The following RBPMS variants were observed in gnomAD, a reference collection of about 807,000 sequenced individuals.
The protein encoded by RBPMS is RNA-binding protein with multiple splicing.
Under a neutral mutation model 26.8 loss-of-function variants are expected in RBPMS, and 7 were observed. That is an observed-to-expected ratio of 0.26 (90% confidence interval 0.15 to 0.49). The LOEUF is 0.49. Ranked by LOEUF, RBPMS falls within the 20% of genes least tolerant of loss-of-function variation. The probability of loss-of-function intolerance (pLI) is 0.98; values close to 1 mark genes in which losing one functional copy is unlikely to be tolerated. For missense variants in RBPMS, 186 were observed against 250.0 expected (o/e 0.74, Z 1.73); for synonymous variants, 96 against 93.3 (o/e 1.03, Z -0.17).
rs376364214 is a variant in RBPMS, at chr8:30,447,764, CT to C, written c.67-27006del. 7.3e-3 allele frequency among the ~76,000 whole-genome samples: 1,100 copies of C among 151,196 alleles called. 8 individuals carry two copies. Among genetic ancestry groups the C allele is most frequent in the African/African-American group, 0.024 (1,008 of 41,316 alleles). On this transcript the variant is annotated intron_variant, in intron 1 of 8. Coordinates refer to ENST00000397323, the MANE Select transcript of RBPMS (RefSeq NM_001008710.3). ...TGTCTATACAAAATTGTATCTGCAT[CT>C]TTTTTTTTAACTTAGCAATGAATCT...
At chr8:30,458,366 T>G (rs1326305830) in intron 1 of RBPMS, among the ~76,000 whole-genome samples, 4 of 152,152 alleles carry the variant, frequency 2.6e-5, no homozygotes, top group African/African-American at 9.7e-5. Flanking sequence ...ATTCACTGAT[T>G]TATTCCTCTT....
chr8:30,569,778 CA>C (rs1192374114), intron 8 of RBPMS, among the ~76,000 whole-genome samples: 3 of 152,232 alleles, frequency 2.0e-5, no homozygotes, highest in African/African-American at 7.2e-5. Flanking sequence ...AGGGACAGGC[CA>C]GGGGTGCACA....
At chr8:30,539,764 T>A (rs1232115354) in intron 5 of RBPMS, among the ~76,000 whole-genome samples, 4 of 152,044 alleles carry the variant, frequency 2.6e-5, no homozygotes, top group Non-Finnish European at 4.4e-5. Flanking sequence ...TAGCTGGGAT[T>A]ATAGGCGTGC....
At chr8:30,490,607 G>A (rs1020895469) in intron 4 of RBPMS, among the ~76,000 whole-genome samples, 3 of 152,044 alleles carry the variant, frequency 2.0e-5, no homozygotes, top group Non-Finnish European at 2.9e-5. Context: ...TTACAGGCGC[G>A]TGCCTCCACG....
intron 1 of RBPMS, among the ~76,000 whole-genome samples, chr8:30,421,573 T>G (rs1662724109): frequency 6.6e-6 from 1 of 152,184 alleles, no homozygotes; most frequent in African/African-American, 2.4e-5. Flanking sequence ...TTTTACAAAT[T>G]TTCTAGGTAC....
intron 7 of RBPMS, chr8:30,564,340 G>A (rs992291957): frequency 6.6e-5 from 10 of 152,270 alleles, no homozygotes; most frequent in African/African-American, 2.4e-4. Flanking sequence ...GGGAGAGTGT[G>A]CAGGGCCCTC....
chr8:30,506,194 A>G (rs1821055759), intron 5 of RBPMS, among the ~76,000 whole-genome samples: 1 of 152,134 alleles, frequency 6.6e-6, no homozygotes, highest in African/African-American at 2.4e-5. Flanking sequence ...AGGAGAGCAT[A>G]GAAACTGAGC....
At chr8:30,408,997 G>T (rs1320852045) in intron 1 of RBPMS, among the ~76,000 whole-genome samples, 1 of 152,010 alleles carries the variant, frequency 6.6e-6, no homozygotes, top group Non-Finnish European at 1.5e-5. Flanking sequence ...TGTTTTCAAG[G>T]CTCATCCATC....
chr8:30,489,986 T>C (rs1383280956), intron 4 of RBPMS, among the ~76,000 whole-genome samples: 1 of 151,618 alleles, frequency 6.6e-6, no homozygotes, highest in African/African-American at 2.4e-5. Context: ...AATTTTTTTG[T>C]ATTTTTTAGT....
At chr8:30,567,630 G>C (rs1425202100) in intron 8 of RBPMS, among the ~76,000 whole-genome samples, 1 of 128,904 alleles carries the variant, frequency 7.8e-6, no homozygotes, top group Non-Finnish European at 1.8e-5. Context: ...TTGAATGCTG[G>C]TTAGACATGA....
intron 1 of RBPMS, among the ~76,000 whole-genome samples, chr8:30,427,537 G>T (rs938559403): frequency 1.3e-5 from 2 of 152,208 alleles, no homozygotes; most frequent in African/African-American, 4.8e-5. Context: ...TCAAATGGAA[G>T]CCTCGCTGAA....
intron 1 of RBPMS, among the ~76,000 whole-genome samples, chr8:30,416,636 G>T (rs1187757104): frequency 1.3e-5 from 2 of 152,034 alleles, no homozygotes; most frequent in Non-Finnish European, 2.9e-5. Context: ...ACCAGGCCCA[G>T]CTAATTTTTT....
intron 1 of RBPMS, among the ~76,000 whole-genome samples, chr8:30,442,225 C>G (rs992533405): frequency 4.6e-5 from 7 of 152,196 alleles, no homozygotes; most frequent in African/African-American, 1.7e-4. Context: ...ACAGTATTTC[C>G]TGGGCCTTTA....
Position 30,531,130 on chromosome 8 carries a change from G to A in RBPMS, c.398-13364G>A, listed in dbSNP as rs540311983. ...AGATTTGAACATTAAGGTATTTCCC[G>A]TCCCCTAATTAAAAAAAAAACTTTA... On this transcript the variant is annotated intron_variant, in intron 5 of 8. Coordinates refer to ENST00000397323, the MANE Select transcript of RBPMS (RefSeq NM_001008710.3). Among the ~76,000 whole-genome samples, 195 of 151,400 alleles carry A rather than the reference G, an allele frequency of 1.3e-3. 2 individuals are homozygous for A. In the South Asian group the frequency reaches 0.026, roughly 20 times the overall value.
chr8:30,454,737 A>T (rs894008725), intron 1 of RBPMS, among the ~76,000 whole-genome samples: 1 of 152,190 alleles, frequency 6.6e-6, no homozygotes, highest in African/African-American at 2.4e-5. Context: ...ACATTGTTGA[A>T]TCTATTATTT....
At chr8:30,450,387 G>A (rs1385466613) in intron 1 of RBPMS, among the ~76,000 whole-genome samples, 1 of 152,178 alleles carries the variant, frequency 6.6e-6, no homozygotes, top group African/African-American at 2.4e-5. Context: ...TTTCAGTCTG[G>A]TGGAAACACT....
intron 6 of RBPMS, chr8:30,558,369 A>T (rs1477615873): frequency 5.6e-6 from 1 of 178,594 alleles, no homozygotes. Context: ...CTGGGGTACC[A>T]GACACACACA....
At chr8:30,569,692 G>A (rs540725125) in intron 8 of RBPMS, among the ~76,000 whole-genome samples, 1 of 151,734 alleles carries the variant, frequency 6.6e-6, no homozygotes, top group African/African-American at 2.4e-5. Context: ...CTGCACAGGT[G>A]GCCCTAAGAT....
chr8:30,426,427 G>C (rs549568527), intron 1 of RBPMS, among the ~76,000 whole-genome samples: 7 of 152,264 alleles, frequency 4.6e-5, no homozygotes, highest in Admixed American at 3.9e-4. Flanking sequence ...GTTTAGACGG[G>C]AGGCTTTTCT....
Sources: allele counts gnomAD v4.1 joint callset (sites outside exome capture counted in the v4.1 genomes callset), GRCh38; gene constraint gnomAD v4.1.1; transcripts MANE v1.5; gene names NCBI Gene and HGNC (gene_info 2026-07-23, HGNC 2026-07-21).